FAM193A: variants seen among roughly 807,000 people sequenced by gnomAD.
FAM193A encodes protein FAM193A.
In FAM193A, 22 loss-of-function variants were observed where a neutral mutation model predicts 126.5. That is an observed-to-expected ratio of 0.17 (90% CI 0.12 to 0.25). The LOEUF is 0.25. Among genes scored for constraint, FAM193A ranks in the 10% least tolerant of loss-of-function variants. The probability of loss-of-function intolerance (pLI) is 1.00; values close to 1 mark genes in which losing one functional copy is unlikely to be tolerated. For missense variants in FAM193A, 1,675 were observed against 1,672.8 expected, an observed-to-expected ratio of 1.00 and a Z score of -0.02; for synonymous variants, 761 against 646.8, an observed-to-expected ratio of 1.18 and a Z score of -2.68.
chr4:2,709,647 T>C (rs1718695774), intron 19 of FAM193A, among the ~76,000 whole-genome samples: 3 of 152,002 alleles, frequency 2.0e-5, no homozygotes, highest in African/African-American at 7.3e-5. Context: ...AGGTGGAGGT[T>C]GCAGTGAGCC....
intron 7 of FAM193A, among the ~76,000 whole-genome samples, chr4:2,655,534 A>G (rs766202830): frequency 1.3e-5 from 2 of 152,000 alleles, no homozygotes; most frequent in Non-Finnish European, 2.9e-5. Flanking sequence ...CTGGAGTGCA[A>G]TGACAAGATA....
intron 19 of FAM193A, among the ~76,000 whole-genome samples, chr4:2,710,163 T>G (rs1423810817): frequency 3.7e-5 from 3 of 81,998 alleles, no homozygotes; most frequent in African/African-American, 1.1e-4. Context: ...CTTCTTTTGT[T>G]TTTTTTTTTT....
intron 13 of FAM193A, among the ~76,000 whole-genome samples, chr4:2,687,780 GT>G (rs550699138): frequency 7.2e-4 from 110 of 152,316 alleles, no homozygotes; most frequent in Admixed American, 2.2e-3. Context: ...TCACTCTGCT[GT>G]TTAAATCCCT....
At chr4:2,679,974 C>G (rs1418392320) in intron 13 of FAM193A, among the ~76,000 whole-genome samples, 1 of 152,060 alleles carries the variant, frequency 6.6e-6, no homozygotes, top group Non-Finnish European at 1.5e-5. Flanking sequence ...GATTCCCTGG[C>G]CTCAGCCTCC....
chr4:2,546,887 C>T (rs1315721214), intron 1 of FAM193A, among the ~76,000 whole-genome samples: 9 of 152,152 alleles, frequency 5.9e-5, no homozygotes, highest in Admixed American at 5.9e-4. Context: ...TCTGAGAGTT[C>T]TGGTTGCTCT....
At chr4:2,709,187 T>G (rs1471931643) in intron 19 of FAM193A, among the ~76,000 whole-genome samples, 2 of 152,228 alleles carry the variant, frequency 1.3e-5, no homozygotes, top group Non-Finnish European at 2.9e-5. Flanking sequence ...TTAGATGTAT[T>G]AATACGATGT....
intron 13 of FAM193A, among the ~76,000 whole-genome samples, chr4:2,687,426 T>G (rs901608314): frequency 3.3e-5 from 5 of 152,168 alleles, no homozygotes; most frequent in Admixed American, 2.6e-4. Flanking sequence ...ACAAAAAGAT[T>G]GAGTGATTTG....
rs1717456148 is a variant in FAM193A at position 2,699,572 on chromosome 4, G to A, written c.3508-108G>A. On this transcript the variant is annotated intron_variant, in intron 18 of 20. Coordinates refer to ENST00000637812, the MANE Select transcript of FAM193A (RefSeq NM_001366318.2). ...TTTGATTTATTACAGCCTCTTCAGA[G>A]TTTATGTTCCATATGTGATTCGTTT... 3.7e-6 allele frequency: 4 copies of A among 1,093,362 alleles called. No homozygotes were observed. The African/African-American group carries it at 4.7e-5, about 13-fold the overall frequency. The allele number at this position is 1,093,362 out of a possible 1,614,324, so 67.7% of individuals were successfully genotyped here. A position where few individuals can be genotyped will look rare whatever the true frequency, so the allele number is the denominator to read the frequency against.
intron 1 of FAM193A, among the ~76,000 whole-genome samples, chr4:2,546,662 A>C (rs1292740925): frequency 6.6e-6 from 1 of 151,916 alleles, no homozygotes; most frequent in African/African-American, 2.4e-5. Context: ...CAGTTTGTCC[A>C]TTTTTCCATT....
At chr4:2,551,771 T>A (rs1737933984) in intron 1 of FAM193A, among the ~76,000 whole-genome samples, 1 of 152,016 alleles carries the variant, frequency 6.6e-6, no homozygotes, top group Non-Finnish European at 1.5e-5. Context: ...GTTTTCAGTG[T>A]GTTTGATTTT....
intron 19 of FAM193A, chr4:2,715,623 A>G (rs1719454742): frequency 1.8e-6 from 1 of 554,806 alleles, no homozygotes; most frequent in South Asian, 4.0e-5. Context: ...TTCTGCTGGC[A>G]GCTGTGCTCT....
chr4:2,601,227 C>CTTTTTTTTTTTTTTTTTTTTTTTTTT (rs1201989388), intron 2 of FAM193A, among the ~76,000 whole-genome samples: 1 of 110,668 alleles, frequency 9.0e-6, no homozygotes, highest in Non-Finnish European at 1.8e-5. Flanking sequence ...TCTTCTTCTT[C>CTTTTTTTTTTTTTTTTTTTTTTTTTT]TTTTTTTTTT....
At chr4:2,731,070 C>T (rs1348763412) in intron 20 of FAM193A, among the ~76,000 whole-genome samples, 1 of 151,880 alleles carries the variant, frequency 6.6e-6, no homozygotes, top group Non-Finnish European at 1.5e-5. Flanking sequence ...GTGGTGGGCA[C>T]CTGTAATCCC....
chr4:2,688,042 AT>A (rs1715942239), intron 13 of FAM193A, among the ~76,000 whole-genome samples: 1 of 152,104 alleles, frequency 6.6e-6, no homozygotes, highest in Non-Finnish European at 1.5e-5. Flanking sequence ...TTCACTACTC[AT>A]TTCTGCATCC....
At chr4:2,583,431 G>A (rs1157059277) in intron 1 of FAM193A, among the ~76,000 whole-genome samples, 1 of 152,020 alleles carries the variant, frequency 6.6e-6, no homozygotes, top group Non-Finnish European at 1.5e-5. Flanking sequence ...CCTTCCCCCT[G>A]CTGCCCCCAA....
intron 1 of FAM193A, among the ~76,000 whole-genome samples, chr4:2,558,117 T>C (rs2108834088): frequency 6.6e-6 from 1 of 151,802 alleles, no homozygotes; most frequent in East Asian, 1.9e-4. Flanking sequence ...TACTAAAATA[T>C]GAAAGTTAGC....
intron 4 of FAM193A, among the ~76,000 whole-genome samples, chr4:2,627,984 T>C (rs1743147484): frequency 6.6e-6 from 1 of 152,028 alleles, no homozygotes. Context: ...CGTTGTGATC[T>C]GCCCGCCTCG....
Position 2,700,018 on chromosome 4 carries a change from C to T in FAM193A, c.3846C>T (p.Asn1282=). The change falls in exon 19 of 21, where the codon AAC becomes AAT. Residue 1282 remains asparagine (N), a synonymous_variant. Transcript: ENST00000637812. ...CTCACTCCCCATCCAGGCATATGAA[C>T]CACTCAGAGCCCAGGCCAGGGCTAG... ...TSSHSPSRHM[N]HSEPRPGLGA... The T allele has an allele frequency of 1.2e-6, 2 of 1,613,956 alleles. No homozygotes were observed. Among genetic ancestry groups the T allele is most frequent in the South Asian group, 1.1e-5 (1 of 91,068 alleles).
At position 2,639,776 on chromosome 4, in the gene FAM193A, G is replaced by A; in HGVS notation, c.1080G>A (p.Leu360=). Residue 360 remains leucine, a synonymous_variant, in exon 6 of 21, where the codon CTG becomes CTA. Coordinates refer to ENST00000637812, the MANE Select transcript of FAM193A (RefSeq NM_001366318.2). The part of the protein sequence containing the change: ...HLKKFQVTWE[L]HNKHLFENLV... ...AAAAGTTCCAAGTGACGTGGGAACT[G>A]CATAATAAACACCTGTTTGAAAATC... The A allele has an allele frequency of 6.2e-7, 1 of 1,613,582 alleles. No individual in the cohort carries two copies. Among genetic ancestry groups the A allele is most frequent in the South Asian group, 1.1e-5 (1 of 91,062 alleles).
Sources: allele counts gnomAD v4.1 joint callset (sites outside exome capture counted in the v4.1 genomes callset), GRCh38; gene constraint gnomAD v4.1.1; transcripts MANE v1.5; gene names NCBI Gene and HGNC (gene_info 2026-07-23, HGNC 2026-07-21).